Variants in SEC61A1 observed in about 807,000 individuals in gnomAD.
SEC61A1 encodes SEC61 translocon subunit alpha 1.
A neutral mutation model predicts 55.2 loss-of-function variants in SEC61A1; 15 were observed. The observed-to-expected ratio is 0.27, with a 90% CI of 0.18 to 0.42. The LOEUF is 0.42. Among genes scored for constraint, SEC61A1 ranks in the 10% least tolerant of loss-of-function variants. The probability of loss-of-function intolerance (pLI) is 1.00; values close to 1 mark genes in which losing one functional copy is unlikely to be tolerated. For synonymous variants in SEC61A1, 247 were observed against 234.0 expected (o/e 1.06, Z -0.51); for missense variants, 284 against 602.6 (o/e 0.47, Z 5.53).
chr3:128,051,985 CG>C (rs1559792960), upstream of SEC61A1: 19 of 1,142,428 alleles, frequency 1.7e-5, no homozygotes, highest in Admixed American at 3.8e-4. Context: ...CCGCGGTAGA[CG>C]CTGGGATAAG....
upstream of SEC61A1, chr3:128,051,951 C>T (rs1941679347): frequency 6.9e-7 from 1 of 1,448,556 alleles, no homozygotes; most frequent in African/African-American, 1.4e-5. Flanking sequence ...CAGGTAATGA[C>T]GGAGACCTAC....
chr3:128,065,124 T>G, intron 8 of SEC61A1, 87 bp downstream of exon 8: 11 of 1,316,808 alleles, frequency 8.4e-6, no homozygotes, highest in South Asian at 1.2e-5. Context: ...CTCTGTGGGG[T>G]GCACTGTCAT....
chr3:128,060,029 TG>T, intron 5 of SEC61A1, 72 bp from the exon 6 acceptor site: 1 of 1,088,296 alleles, frequency 9.2e-7, no homozygotes, highest in South Asian at 1.3e-5. Flanking sequence ...GGCGTTGAAT[TG>T]GTGTTTCTTA....
chr3:128,067,085 C>T lies in SEC61A1; in HGVS notation c.909C>T (p.Val303=). ...LQSALVSNLY[V]ISQMLSARFS... ...CTGCCCTGGTGTCCAACCTTTATGTCATCTCCCAAATGCTCTCAGCTCGCT... is the reference window on the plus strand; with the variant it reads ...CTGCCCTGGTGTCCAACCTTTATGTTATCTCCCAAATGCTCTCAGCTCGCT... Residue 303 remains valine (V), a synonymous_variant, in exon 9 of 12, where the codon GTC becomes GTT. Transcript: ENST00000243253. The surrounding 1 kb of genome is among the most constrained non-coding windows in gnomAD (Gnocchi z 4.1). 6.2e-7 allele frequency: 1 copy of T among 1,614,226 alleles called. No homozygotes were observed. The highest frequency in any genetic ancestry group is 1.1e-5 in the South Asian group (1 of 91,088).
intron 7 of SEC61A1, among the ~76,000 whole-genome samples, chr3:128,062,028 A>G (rs9820563): frequency 0.23 from 34,730 of 152,224 alleles, 4,024 homozygotes; most frequent in South Asian, 0.27. Flanking sequence ...TCCAGCCCCA[A>G]TTAAGCCATC....
chr3:128,064,332 C>T (rs1244983330), intron 7 of SEC61A1, among the ~76,000 whole-genome samples: 1 of 151,976 alleles, frequency 6.6e-6, no homozygotes, highest in South Asian at 2.1e-4. Context: ...AGAAATGAGA[C>T]CAATTAATTT....
At chr3:128,064,724 G>A (rs759413141) in intron 7 of SEC61A1, 153 bp from the exon 8 acceptor site, 1 of 626,186 alleles carries the variant, frequency 1.6e-6, no homozygotes, top group Non-Finnish European at 2.8e-6. Flanking sequence ...AGGGAGGGAT[G>A]AGAATAATAC....
At chr3:128,065,093 T>C (rs1941921757) in intron 8 of SEC61A1, 56 bp downstream of exon 8, 1 of 1,555,786 alleles carries the variant, frequency 6.4e-7, no homozygotes, top group Non-Finnish European at 8.9e-7. Flanking sequence ...AGTTTCAGAA[T>C]GCCTTGTGTG....
chr3:128,052,701 C>A, intron 1 of SEC61A1, 134 bp from the exon 2 acceptor site: 1 of 1,502,426 alleles, frequency 6.7e-7, no homozygotes, highest in Non-Finnish European at 9.1e-7. Flanking sequence ...TCTCGAGTAT[C>A]CCCACGCGTC....
chr3:128,064,923 C>T lies in SEC61A1; in HGVS notation c.663C>T (p.Ala221=). The T allele has an allele frequency of 6.2e-7, 1 of 1,613,904 alleles. No individual in the cohort carries two copies. The highest frequency in any genetic ancestry group is 8.5e-7 in the Non-Finnish European group (1 of 1,179,898). Residue 221 remains alanine, a synonymous_variant, in exon 8 of 12, where the codon GCC becomes GCT. Transcript: ENST00000243253. ...GAIIALFHLL[A]TRTDKVRALR... ...TCATCGCACTTTTCCATCTGCTGGC[C>T]ACACGCACAGACAAGGTCCGAGCCC...
At chr3:128,068,086 C>G in intron 11 of SEC61A1, 27 bp downstream of exon 11, 1 of 1,588,164 alleles carries the variant, frequency 6.3e-7, no homozygotes, top group Non-Finnish European at 8.6e-7. Context: ...GGTCCCCAAC[C>G]TCCCGTCTGT....
In SEC61A1 at chr3:128,071,631, A is replaced by G. The variant is rs1288918382; in HGVS notation, c.*1969A>G. 2 of 152,708 alleles carry G rather than the reference A, an allele frequency of 1.3e-5. No homozygotes were observed. Among genetic ancestry groups the G allele is most frequent in the Non-Finnish European group, 2.9e-5 (2 of 68,056 alleles). The allele number at this position is 152,708 out of a possible 1,614,324, so 9.5% of individuals were successfully genotyped here. ...CTGTCACTGTGGACGCCAAAATGGC[A>G]TAACTGAGATAAGGTGAATAAGTGA... On this transcript the variant is annotated 3_prime_UTR_variant, in exon 12 of 12. Coordinates refer to ENST00000243253, the MANE Select transcript of SEC61A1 (RefSeq NM_013336.4).
In SEC61A1 at chr3:128,056,799, A is replaced by G. The variant is rs1941778407; in HGVS notation, c.311A>G (p.Asp104Gly). The G allele has an allele frequency of 6.2e-7, 1 of 1,610,216 alleles. No homozygotes were observed. The highest frequency in any genetic ancestry group is 1.3e-5 in the African/African-American group (1 of 74,872). ...GGCGCCAAGATAATTGAAGTTGGTGACACCCCAAAAGACCGAGCTCTCTTC... is the reference window on the plus strand; with the variant it reads ...GGCGCCAAGATAATTGAAGTTGGTGGCACCCCAAAAGACCGAGCTCTCTTC... Reference protein sequence around the residue: ...LAGAKIIEVGDTPKDRALFNG... With the variant: ...LAGAKIIEVGGTPKDRALFNG... Residue 104 changes from aspartate (D) to glycine (G), a missense_variant, in exon 5 of 12, where the codon GAC (aspartate) becomes GGC (glycine). By Grantham distance (94) the Asp-to-Gly change is moderately conservative. Transcript: ENST00000243253.
intron 2 of SEC61A1, among the ~76,000 whole-genome samples, chr3:128,054,629 TAAAG>T (rs142284047): frequency 0.62 from 93,581 of 151,640 alleles, 28,880 homozygotes; most frequent in East Asian, 0.8. Context: ...GAAGTGTTTT[TAAAG>T]AACACAGTTT....
rs958427596 is a variant in SEC61A1, at chr3:128,060,272, A to G, written c.462+61A>G. ...CCTCACACTTACCTACAATTCTCAC[A>G]TAACGAATCTCAAGCACACCTAAAA... is the stretch of plus-strand genomic sequence containing the variant. On this transcript the variant is annotated intron_variant, in intron 6 of 11. Coordinates refer to ENST00000243253, the MANE Select transcript of SEC61A1 (RefSeq NM_013336.4). 9.4e-6 allele frequency: 12 copies of G among 1,276,748 alleles called. No homozygotes were observed. In the African/African-American group the frequency reaches 1.8e-4, roughly 19 times the overall value. The allele number at this position is 1,276,748 out of a possible 1,614,324, so 79.1% of individuals were successfully genotyped here.
chr3:128,064,913 A>G lies in SEC61A1; in HGVS notation c.653A>G (p.His218Arg), dbSNP rs1292843602. The change falls in exon 8 of 12, where the codon CAT becomes CGT. Residue 218 changes from histidine (H) to arginine (R), a missense_variant. Transcript: ENST00000243253. Reference protein sequence around the residue: ...EFEGAIIALFHLLATRTDKVR... With the variant: ...EFEGAIIALFRLLATRTDKVR... ...GAAGGTGCTATCATCGCACTTTTCC[A>G]TCTGCTGGCCACACGCACAGACAAG... 3 of 1,612,812 alleles carry G rather than the reference A, an allele frequency of 1.9e-6. No individual in the cohort carries two copies. Among genetic ancestry groups the G allele is most frequent in the Non-Finnish European group, 1.7e-6 (2 of 1,179,336 alleles).
intron 1 of SEC61A1, 87 bp from the exon 2 acceptor site, chr3:128,052,748 T>G: frequency 6.6e-7 from 1 of 1,504,890 alleles, no homozygotes; most frequent in Non-Finnish European, 9.2e-7. Context: ...CTGCTCTCAC[T>G]CGTCGTGGGC....
In SEC61A1 at chr3:128,052,550, G is replaced by T. The variant is rs1244415609; in HGVS notation, c.-3G>T. On this transcript the variant is annotated 5_prime_UTR_variant, in exon 1 of 12. Transcript: ENST00000243253. ...GGGACCCGGAGCCCGAGCAGCCGCCGCCATGGCAAGTGAGTCCTGTAGGGA... is the reference window on the plus strand; with the variant it reads ...GGGACCCGGAGCCCGAGCAGCCGCCTCCATGGCAAGTGAGTCCTGTAGGGA... 1 of 1,599,774 alleles carries T rather than the reference G, an allele frequency of 6.3e-7. No homozygotes were observed. Among genetic ancestry groups the T allele is most frequent in the Non-Finnish European group, 8.5e-7 (1 of 1,174,130 alleles).
chr3:128,052,027 C>G (rs1247319595), upstream of SEC61A1: 1 of 805,926 alleles, frequency 1.2e-6, no homozygotes, highest in East Asian at 2.7e-5. Context: ...ACGGTCTATT[C>G]ACTAACGTCA....
Sources: allele counts gnomAD v4.1 joint callset (sites outside exome capture counted in the v4.1 genomes callset), GRCh38; gene constraint gnomAD v4.1.1; non-coding constraint Gnocchi (gnomAD v3.1); transcripts MANE v1.5; gene names NCBI Gene and HGNC (gene_info 2026-07-23, HGNC 2026-07-21).